Variants in RTN4RL2 observed in about 807,000 individuals in gnomAD.
RTN4RL2 encodes reticulon 4 receptor like 2.
In RTN4RL2, 9 loss-of-function variants were observed where a neutral mutation model predicts 27.8. The ratio of observed to expected loss-of-function variants is 0.32; its 90% confidence interval spans 0.20 to 0.57. RTN4RL2 has a LOEUF of 0.57. Among genes scored for constraint, RTN4RL2 ranks in the 20% least tolerant of loss-of-function variants. The probability of loss-of-function intolerance (pLI) is 0.90; values close to 1 mark genes in which losing one functional copy is unlikely to be tolerated. For synonymous variants in RTN4RL2, 285 were observed against 297.9 expected (o/e 0.96, Z 0.45); for missense variants, 436 against 596.8 (o/e 0.73, Z 2.81).
Position 57,476,942 on chromosome 11 carries a change from C to A in RTN4RL2, c.*31C>A, listed in dbSNP as rs1175711925. 4 of 1,518,072 alleles carry A rather than the reference C, an allele frequency of 2.6e-6. No individual in the cohort carries two copies. The highest frequency in any genetic ancestry group is 2.5e-5 in the South Asian group (2 of 81,462). 94.0% of individuals were successfully genotyped at this position (1,518,072 alleles called of 1,614,324 possible). A position where few individuals can be genotyped will look rare whatever the true frequency, so the allele number is the denominator to read the frequency against. ...GTGCTGAGATCGAAGAGGCCAGTGT[C>A]CGATCCCCGCTTCCCGTCCACCCGG... On this transcript the variant is annotated 3_prime_UTR_variant, in exon 3 of 3. Coordinates refer to ENST00000335099, the MANE Select transcript of RTN4RL2 (RefSeq NM_178570.3). The surrounding 1 kb of genome is among the most constrained non-coding windows in gnomAD (Gnocchi z 8.2).
Position 57,468,006 on chromosome 11 carries a change from C to T in RTN4RL2, c.429C>T (p.Leu143=). Residue 143 remains leucine, a synonymous_variant, in exon 2 of 3, where the codon CTC becomes CTT. Transcript: ENST00000335099. ...CGCTGCATTTGTACCGCTGCCAGCT[C>T]AGCAGCCTGCCCGGCAACATCTTCC... ...LQSLHLYRCQ[L]SSLPGNIFRG... The T allele has an allele frequency of 1.2e-6, 2 of 1,603,444 alleles. No homozygotes were observed. Among genetic ancestry groups the T allele is most frequent in the South Asian group, 2.2e-5 (2 of 91,066 alleles).
At chr11:57,470,738 A>G (rs908785213) in intron 2 of RTN4RL2, among the ~76,000 whole-genome samples, 2 of 152,146 alleles carry the variant, frequency 1.3e-5, no homozygotes, top group Admixed American at 6.5e-5. Flanking sequence ...CTCCTTATCA[A>G]TATATATTAG....
chr11:57,476,762 G>C lies in RTN4RL2; in HGVS notation c.1114G>C (p.Gly372Arg), dbSNP rs765851849. 3 of 1,471,196 alleles carry C rather than the reference G, an allele frequency of 2.0e-6. No individual in the cohort carries two copies. The highest frequency in any genetic ancestry group is 1.5e-5 in the African/African-American group (1 of 67,736). The allele number at this position is 1,471,196 out of a possible 1,614,324, so 91.1% of individuals were successfully genotyped here. The change falls in exon 3 of 3, where the codon GGG becomes CGG. Residue 372 changes from glycine (G) to arginine (R), a missense_variant. Coordinates refer to ENST00000335099, the MANE Select transcript of RTN4RL2 (RefSeq NM_178570.3). This position sits in a 1 kb window ranked among gnomAD's most constrained non-coding sequence, Gnocchi z 8.2. ...GDAPTEDDYW[G>R]GYGGEDQRGE... is the part of the protein sequence containing the mutation. The stretch of plus-strand genomic sequence containing the variant: ...CGCGCCTACTGAGGACGACTACTGG[G>C]GGGGCTACGGGGGTGAGGACCAGCG...
intron 1 of RTN4RL2, among the ~76,000 whole-genome samples, chr11:57,463,801 A>C (rs1389471778): frequency 6.6e-6 from 1 of 152,034 alleles, no homozygotes; most frequent in East Asian, 1.9e-4. Flanking sequence ...TGGGCAGGGC[A>C]GGGACTGAGG....
intron 2 of RTN4RL2, chr11:57,468,848 G>T (rs530375029): frequency 1.5e-5 from 14 of 941,278 alleles, no homozygotes; most frequent in Non-Finnish European, 2.3e-5. Flanking sequence ...ACCAGTAATT[G>T]TTATTCATTG....
Position 57,476,460 on chromosome 11 carries a change from C to A in RTN4RL2, c.812C>A (p.Pro271Gln), listed in dbSNP as rs1360705575. 21 of 1,557,012 alleles carry A rather than the reference C, an allele frequency of 1.3e-5. No individual in the cohort carries two copies. Among genetic ancestry groups the A allele is most frequent in the Non-Finnish European group, 1.8e-5 (21 of 1,162,234 alleles). The part of the protein sequence containing the change: ...NPWACDCRAR[P>Q]LWAWFQRARV... ...TGGGCGTGCGACTGCCGCGCGCGGC[C>A]GCTCTGGGCCTGGTTCCAGCGCGCG... The change falls in exon 3 of 3, where the codon CCG becomes CAG. Residue 271 changes from proline to glutamine, a missense_variant. By Grantham distance (76) the Pro-to-Gln change is moderately conservative. Transcript: ENST00000335099. The surrounding 1 kb of genome is among the most constrained non-coding windows in gnomAD (Gnocchi z 8.2).
Position 57,476,715 on chromosome 11 carries a change from C to G in RTN4RL2, c.1067C>G (p.Ser356Trp). The change falls in exon 3 of 3, where the codon TCG becomes TGG. Residue 356 changes from serine (S) to tryptophan (W), a missense_variant. Transcript: ENST00000335099. This position sits in a 1 kb window ranked among gnomAD's most constrained non-coding sequence, Gnocchi z 8.2. ...TLYRDLPAED[S>W]RGRQGGDAPT... ...TACCGAGATCTGCCTGCCGAAGACT[C>G]GCGGGGGCGCCAGGGCGGGGACGCG... 7.0e-7 allele frequency: 1 copy of G among 1,438,048 alleles called. No individual in the cohort carries two copies. The highest frequency in any genetic ancestry group is 9.1e-7 in the Non-Finnish European group (1 of 1,104,068). The allele number at this position is 1,438,048 out of a possible 1,614,324, so 89.1% of individuals were successfully genotyped here.
rs546588342 is a variant in RTN4RL2, at chr11:57,471,882, G to A, written c.513+3792G>A. On this transcript the variant is annotated intron_variant, in intron 2 of 2. Transcript: ENST00000335099. The stretch of plus-strand genomic sequence containing the variant: ...TTTCTTTCTTTTTTTTTTTTGAGAC[G>A]AAGTCTCGCTCTCTTGCTCAGGCTG... Among the ~76,000 whole-genome samples, 580 of 151,296 alleles carry A rather than the reference G, an allele frequency of 3.8e-3. 4 individuals carry two copies. The highest frequency in any genetic ancestry group is 4.3e-3 in the Non-Finnish European group (289 of 67,814).
Position 57,476,834 on chromosome 11 carries a change from T to C in RTN4RL2, c.1186T>C (p.Ser396Pro). 6.4e-7 allele frequency: 1 copy of C among 1,561,154 alleles called. No individual in the cohort carries two copies. The highest frequency in any genetic ancestry group is 1.9e-5 in the Admixed American group (1 of 53,844). ...CGCTGCCTGCCAGGCGCCCCCGGAC[T>C]CCCGAGGCCCTGCGCTCTCGGCCGG... Reference protein sequence around the residue: ...PGAACQAPPDSRGPALSAGLP... With the variant: ...PGAACQAPPDPRGPALSAGLP... The change falls in exon 3 of 3, where the codon TCC becomes CCC. Residue 396 changes from serine (S) to proline (P), a missense_variant. By Grantham distance (74) the Ser-to-Pro change is moderately conservative (BLOSUM62 -1). Coordinates refer to ENST00000335099, the MANE Select transcript of RTN4RL2 (RefSeq NM_178570.3). The surrounding 1 kb of genome is among the most constrained non-coding windows in gnomAD (Gnocchi z 8.2).
At position 57,476,398 on chromosome 11, in the gene RTN4RL2, G is replaced by A. The variant is rs1426194206; in HGVS notation, c.750G>A (p.Leu250=). The A allele has an allele frequency of 1.2e-6, 2 of 1,603,762 alleles. No individual in the cohort carries two copies. Among genetic ancestry groups the A allele is most frequent in the Non-Finnish European group, 1.7e-6 (2 of 1,178,750 alleles). The change falls in exon 3 of 3, where the codon CTG becomes CTA. Residue 250 remains leucine (L), a synonymous_variant. Coordinates refer to ENST00000335099, the MANE Select transcript of RTN4RL2 (RefSeq NM_178570.3). The surrounding 1 kb of genome is among the most constrained non-coding windows in gnomAD (Gnocchi z 8.2). Reference sequence around the variant, plus strand: ...TGCCCGGCGAGGCGCTCGCCGACCTGCCCTCGCTCGAGTTCCTGCGGCTCA... The same window carrying A: ...TGCCCGGCGAGGCGCTCGCCGACCTACCCTCGCTCGAGTTCCTGCGGCTCA... The part of the protein sequence containing the change: ...ASLPGEALAD[L]PSLEFLRLNA...
intron 2 of RTN4RL2, among the ~76,000 whole-genome samples, chr11:57,473,958 C>T (rs1943579601): frequency 6.6e-6 from 1 of 152,136 alleles, no homozygotes; most frequent in Non-Finnish European, 1.5e-5. Flanking sequence ...TACCCCTGCT[C>T]ACTCTCCCCC....
Position 57,467,752 on chromosome 11 carries a change from C to T in RTN4RL2, c.175C>T (p.Pro59Ser). 4 of 1,613,942 alleles carry T rather than the reference C, an allele frequency of 2.5e-6. No homozygotes were observed. The highest frequency in any genetic ancestry group is 3.4e-6 in the Non-Finnish European group (4 of 1,180,006). ...CTTCTCCTCTGTGCCGCTGTCCCTGCCACCCAGCACTCAGCGACTCTTCCT... is the reference window on the plus strand; with the variant it reads ...CTTCTCCTCTGTGCCGCTGTCCCTGTCACCCAGCACTCAGCGACTCTTCCT... ...NNFSSVPLSL[P>S]PSTQRLFLQN... is the part of the protein sequence containing the mutation. The change falls in exon 2 of 3, where the codon CCA becomes TCA. Residue 59 changes from proline (P) to serine (S), a missense_variant. Physicochemically the swap from Pro to Ser is moderately conservative, Grantham distance 74. Around this residue, in one of 3 missense-constraint regions of RTN4RL2, gnomAD observed 365 missense variants for 530.5 expected, o/e 0.69. Transcript: ENST00000335099. The surrounding 1 kb of genome is among the most constrained non-coding windows in gnomAD (Gnocchi z 5.5).
intron 2 of RTN4RL2, chr11:57,468,950 C>T (rs947987195): frequency 1.4e-6 from 1 of 721,172 alleles, no homozygotes; most frequent in African/African-American, 1.7e-5. Context: ...GAAGCAATAA[C>T]ACACCCTCCA....
Position 57,476,633 on chromosome 11 carries a change from A to G in RTN4RL2, c.985A>G (p.Asn329Asp). Residue 329 changes from asparagine (N) to aspartate (D), a missense_variant, in exon 3 of 3, where the codon AAC becomes GAC. Coordinates refer to ENST00000335099, the MANE Select transcript of RTN4RL2 (RefSeq NM_178570.3). The surrounding 1 kb of genome is among the most constrained non-coding windows in gnomAD (Gnocchi z 8.2). ...CCGCGCCCGCGGCAACAGCTCCTCC[A>G]ACCACCTGTACGGGGTGGCCGAGGC... ...GSRARGNSSS[N>D]HLYGVAEAGA... 1 of 1,416,196 alleles carries G rather than the reference A, an allele frequency of 7.1e-7. No individual in the cohort carries two copies. Among genetic ancestry groups the G allele is most frequent in the Non-Finnish European group, 9.1e-7 (1 of 1,094,680 alleles). The allele number at this position is 1,416,196 out of a possible 1,614,324, so 87.7% of individuals were successfully genotyped here. A position where few individuals can be genotyped will look rare whatever the true frequency, so the allele number is the denominator to read the frequency against.
chr11:57,475,822 G>A lies in RTN4RL2; in HGVS notation c.514-340G>A, dbSNP rs187967751. Among the ~76,000 whole-genome samples, 4 of 152,286 alleles carry A rather than the reference G, an allele frequency of 2.6e-5. No homozygotes were observed. The East Asian group carries it at 7.7e-4, about 29-fold the overall frequency. ...CTGTGGTCCTGCCAATGGCCACACT[G>A]GCTTCCCTGGGGAACCTGTAGACAT... On this transcript the variant is annotated intron_variant, in intron 2 of 2. Transcript: ENST00000335099.
At chr11:57,474,073 C>T (rs184109389) in intron 2 of RTN4RL2, among the ~76,000 whole-genome samples, 1 of 152,150 alleles carries the variant, frequency 6.6e-6, no homozygotes, top group African/African-American at 2.4e-5. Context: ...TTTTGAGTGG[C>T]AGGGATTCCA....
intron 1 of RTN4RL2, among the ~76,000 whole-genome samples, chr11:57,465,497 C>T (rs1431312479): frequency 6.6e-6 from 1 of 152,152 alleles, no homozygotes; most frequent in Non-Finnish European, 1.5e-5. Flanking sequence ...CCTTCAAAAG[C>T]CTAGGACGTT....
rs1009221824 is a variant in RTN4RL2, at chr11:57,477,003, T to C, written c.*92T>C. 32 of 1,308,836 alleles carry C rather than the reference T, an allele frequency of 2.4e-5. No homozygotes were observed. The highest frequency in any genetic ancestry group is 1.3e-5 in the Non-Finnish European group (13 of 981,246). The allele number at this position is 1,308,836 out of a possible 1,614,324, so 81.1% of individuals were successfully genotyped here. A position where few individuals can be genotyped will look rare whatever the true frequency, so the allele number is the denominator to read the frequency against. On this transcript the variant is annotated 3_prime_UTR_variant, in exon 3 of 3. Transcript: ENST00000335099. ...CCGGCCCCAGTCGCCCCACCTTCCC[T>C]GGCCTTGCTGCCTCCCTTTCCCCTC...
At position 57,476,516 on chromosome 11, in the gene RTN4RL2, A is replaced by C; in HGVS notation, c.868A>C (p.Thr290Pro). The C allele has an allele frequency of 6.9e-7, 1 of 1,456,930 alleles. No individual in the cohort carries two copies. The highest frequency in any genetic ancestry group is 1.8e-4 in the Middle Eastern group (1 of 5,692). The allele number at this position is 1,456,930 out of a possible 1,614,324, so 90.3% of individuals were successfully genotyped here. ...GTCCAGCTCCGACGTGACCTGCGCC[A>C]CCCCCCCGGAGCGCCAGGGCCGAGA... is the stretch of plus-strand genomic sequence containing the variant. ...RVSSSDVTCA[T>P]PPERQGRDLR... Residue 290 changes from threonine (T) to proline (P), a missense_variant, in exon 3 of 3, where the codon ACC (threonine) becomes CCC (proline). By Grantham distance (38) the Thr-to-Pro change is conservative (BLOSUM62 -1). Transcript: ENST00000335099. The surrounding 1 kb of genome is among the most constrained non-coding windows in gnomAD (Gnocchi z 8.2).
Sources: gnomAD v4.1 joint callset for allele counts (sites outside exome capture counted in the v4.1 genomes callset) on GRCh38, gnomAD v4.1.1 for gene constraint, gnomAD v4.1.1 regional missense constraint, Gnocchi (gnomAD v3.1) non-coding constraint, MANE v1.5 for transcripts, NCBI Gene and HGNC (gene_info 2026-07-23, HGNC 2026-07-21) for gene names.